ICOS: variants seen among roughly 807,000 people sequenced by gnomAD.
ICOS encodes the protein inducible T-cell costimulator.
ICOS carries 15 observed loss-of-function variants against 24.6 expected under a neutral mutation model. That is an observed-to-expected ratio of 0.61 (90% CI 0.41 to 0.94). The LOEUF (loss-of-function observed/expected upper bound fraction) is 0.94. Ranked by LOEUF, ICOS falls within the 40% of genes least tolerant of loss-of-function variation. The pLI, the probability that ICOS is intolerant of heterozygous loss-of-function variation, is 0.00. For missense variants in ICOS, 200 were observed against 233.0 expected (o/e 0.86, Z 0.92); for synonymous variants, 89 against 77.5 (o/e 1.15, Z -0.78).
At chr2:203,945,942 A>G (rs1417642005) in intron 1 of ICOS, among the ~76,000 whole-genome samples, 1 of 152,116 alleles carries the variant, frequency 6.6e-6, no homozygotes, top group African/African-American at 2.4e-5. Context: ...CATAGGTGCA[A>G]ATGAGTTCAG....
At position 203,959,481 on chromosome 2, in the gene ICOS, CGTGT is replaced by C. The variant is rs1559036869; in HGVS notation, c.587-100_587-97del. On this transcript the variant is annotated intron_variant, in intron 4 of 4. Coordinates refer to ENST00000316386, the MANE Select transcript of ICOS (RefSeq NM_012092.4). ...GTGTGTGTGTGTGTGTGTGTGTGCA[CGTGT>C]GTGTTTGTGTGTATGAAAGGCAATG... 308 of 845,042 alleles carry C rather than the reference CGTGT, an allele frequency of 3.6e-4. 1 individual carries two copies. Among genetic ancestry groups the C allele is most frequent in the Non-Finnish European group, 5.3e-5 (26 of 489,838 alleles). 52.3% of individuals were successfully genotyped at this position (845,042 alleles called of 1,614,324 possible).
At chr2:203,946,076 G>A (rs1689862255) in intron 1 of ICOS, among the ~76,000 whole-genome samples, 1 of 152,084 alleles carries the variant, frequency 6.6e-6, no homozygotes, top group African/African-American at 2.4e-5. Context: ...GAAGAGAGTT[G>A]GGTTCATTTA....
rs190501381 is a variant in ICOS, at chr2:203,958,354, G to A, written c.586+471G>A. Among the ~76,000 whole-genome samples the A allele has an allele frequency of 4.5e-4, 68 of 152,308 alleles. 2 individuals carry two copies. The highest frequency in any genetic ancestry group is 2.4e-4 in the Non-Finnish European group (16 of 68,020). ...TGCTGGTACTGCTAGAGGGAAGAAG[G>A]AGAAATTGATGAAGATATCTGGTTA... On this transcript the variant is annotated intron_variant, in intron 4 of 4. Transcript: ENST00000316386.
intron 1 of ICOS, among the ~76,000 whole-genome samples, chr2:203,954,829 T>C (rs1690049468): frequency 6.7e-6 from 1 of 149,648 alleles, no homozygotes; most frequent in African/African-American, 2.4e-5. Context: ...ATAGTCTCTA[T>C]ATATTGTAAT....
intron 1 of ICOS, among the ~76,000 whole-genome samples, chr2:203,954,532 C>A (rs981556126): frequency 6.6e-6 from 1 of 151,960 alleles, no homozygotes; most frequent in African/African-American, 2.4e-5. Context: ...GAGGCTACAA[C>A]GAGCTAGGAT....
intron 1 of ICOS, among the ~76,000 whole-genome samples, chr2:203,951,813 G>C (rs1689979623): frequency 6.6e-6 from 1 of 152,178 alleles, no homozygotes; most frequent in Non-Finnish European, 1.5e-5. Context: ...GCAGACGGTA[G>C]AGACATACGC....
At chr2:203,940,664 TAA>T (rs36072293) in intron 1 of ICOS, among the ~76,000 whole-genome samples, 73 of 147,418 alleles carry the variant, frequency 5.0e-4, no homozygotes, top group African/African-American at 1.2e-3. Flanking sequence ...CATTCCTTTG[TAA>T]AAAAAAAAAA....
rs149204156 is a variant in ICOS at position 203,943,370 on chromosome 2, C to T, written c.58+6498C>T. 3.2e-3 allele frequency among the ~76,000 whole-genome samples: 484 copies of T among 152,018 alleles called. 4 individuals carry two copies. Among genetic ancestry groups the T allele is most frequent in the African/African-American group, 0.011 (447 of 41,464 alleles). Reference sequence around the variant, plus strand: ...AGTGTTCCCTTGATATCATACTTTCCCCTTTTCCTATGTATGTGGCTTCCA... The same window carrying T: ...AGTGTTCCCTTGATATCATACTTTCTCCTTTTCCTATGTATGTGGCTTCCA... On this transcript the variant is annotated intron_variant, in intron 1 of 4. Transcript: ENST00000316386.
At chr2:203,940,930 C>T (rs964278959) in intron 1 of ICOS, among the ~76,000 whole-genome samples, 1 of 152,048 alleles carries the variant, frequency 6.6e-6, no homozygotes, top group Admixed American at 6.5e-5. Flanking sequence ...ACTACAGGCA[C>T]CCGCCACCAC....
rs751844919 is a variant in ICOS at position 203,955,878 on chromosome 2, C to T, written c.301C>T (p.His101Tyr). The change falls in exon 2 of 5, where the codon CAT becomes TAT. Residue 101 changes from histidine (H) to tyrosine (Y), a missense_variant. By Grantham distance (83) the His-to-Tyr change is moderately conservative. Transcript: ENST00000316386. ...SVSFFLYNLDHSHANYYFCNL... is the reference protein window; with the variant it reads ...SVSFFLYNLDYSHANYYFCNL... ...CTCTTTTTTTCTATACAACTTGGAC[C>T]ATTCTCATGCCAACTATTACTTCTG... 4.3e-6 allele frequency: 7 copies of T among 1,613,684 alleles called. No individual in the cohort carries two copies. The highest frequency in any genetic ancestry group is 5.9e-6 in the Non-Finnish European group (7 of 1,179,726).
intron 1 of ICOS, among the ~76,000 whole-genome samples, chr2:203,950,506 G>T (rs948007058): frequency 3.9e-5 from 6 of 152,204 alleles, no homozygotes; most frequent in African/African-American, 1.4e-4. Flanking sequence ...TTTTCAATAT[G>T]AGTGTCAGTC....
At chr2:203,950,503 TA>T (rs1689949933) in intron 1 of ICOS, among the ~76,000 whole-genome samples, 1 of 152,206 alleles carries the variant, frequency 6.6e-6, no homozygotes, top group South Asian at 2.1e-4. Context: ...TAATTTTCAA[TA>T]TGAGTGTCAG....
intron 4 of ICOS, among the ~76,000 whole-genome samples, chr2:203,959,224 A>G (rs1468794511): frequency 6.6e-6 from 1 of 152,172 alleles, no homozygotes; most frequent in East Asian, 1.9e-4. Flanking sequence ...GAGTCTTCAG[A>G]GAAAGTCTGG....
intron 1 of ICOS, among the ~76,000 whole-genome samples, chr2:203,946,564 A>G (rs1295893031): frequency 6.6e-6 from 1 of 152,144 alleles, no homozygotes; most frequent in African/African-American, 2.4e-5. Flanking sequence ...GAAATGATGC[A>G]TATATAAAAA....
chr2:203,943,961 C>A (rs532807113), intron 1 of ICOS, among the ~76,000 whole-genome samples: 3 of 152,266 alleles, frequency 2.0e-5, no homozygotes, highest in Admixed American at 6.5e-5. Flanking sequence ...AGATCCCATG[C>A]AAACGGAAGG....
intron 1 of ICOS, among the ~76,000 whole-genome samples, chr2:203,948,516 C>A (rs139859679): frequency 1.1e-3 from 162 of 152,292 alleles, no homozygotes; most frequent in African/African-American, 2.6e-3. Flanking sequence ...ATGCTTTCAT[C>A]CATCCAATAA....
chr2:203,945,814 C>T (rs1223674175), intron 1 of ICOS, among the ~76,000 whole-genome samples: 2 of 152,124 alleles, frequency 1.3e-5, no homozygotes, highest in African/African-American at 4.8e-5. Flanking sequence ...AAAGGCTATA[C>T]ATGATGTGTT....
Position 203,956,772 on chromosome 2 carries a change from G to A in ICOS, c.501+7G>A, listed in dbSNP as rs57149344. 6,151 of 1,542,630 alleles carry A rather than the reference G, an allele frequency of 4.0e-3. 218 individuals carry two copies. The African/African-American group carries it at 0.074, about 19-fold the overall frequency. On this transcript the variant is annotated splice_region_variant and intron_variant, in intron 3 of 4. Coordinates refer to ENST00000316386, the MANE Select transcript of ICOS (RefSeq NM_012092.4). The stretch of plus-strand genomic sequence containing the variant: ...TTGTTGGCTTACAAAAAAGGTAAGC[G>A]ATTTCTATCTTTCCTTGTATCTGCT...
In ICOS at chr2:203,955,867, A is replaced by G. The variant is rs1189916455; in HGVS notation, c.290A>G (p.Tyr97Cys). The change falls in exon 2 of 5, where the codon TAC becomes TGC. Residue 97 changes from tyrosine (Y) to cysteine (C), a missense_variant. Transcript: ENST00000316386. ...AACAACAGTGTCTCTTTTTTTCTAT[A>G]CAACTTGGACCATTCTCATGCCAAC... ...LSNNSVSFFL[Y>C]NLDHSHANYY... The G allele has an allele frequency of 1.9e-6, 3 of 1,613,706 alleles. No individual in the cohort carries two copies. The highest frequency in any genetic ancestry group is 2.2e-5 in the South Asian group (2 of 91,074).
Sources: allele counts gnomAD v4.1 joint callset (sites outside exome capture counted in the v4.1 genomes callset), GRCh38; gene constraint gnomAD v4.1.1; transcripts MANE v1.5; gene names NCBI Gene and HGNC (gene_info 2026-07-23, HGNC 2026-07-21).